FKBP5: variants seen among roughly 807,000 people sequenced by gnomAD.
FKBP5 encodes the protein peptidyl-prolyl cis-trans isomerase FKBP5.
FKBP5 carries 23 observed loss-of-function variants against 50.5 expected under a neutral mutation model. The ratio of observed to expected loss-of-function variants is 0.46; its 90% CI spans 0.33 to 0.65. FKBP5 has a LOEUF of 0.65. FKBP5 is among the 30% of genes least tolerant of loss of function. The pLI is 0.02. For missense variants in FKBP5, 411 were observed against 553.1 expected (o/e 0.74, Z 2.58); for synonymous variants, 176 against 190.6 (o/e 0.92, Z 0.63).
chr6:35,716,631 C>A (rs948436979), intron 2 of FKBP5, among the ~76,000 whole-genome samples: 6 of 152,156 alleles, frequency 3.9e-5, no homozygotes, highest in Admixed American at 3.3e-4. Context: ...CAGGCACATG[C>A]TCTGTACTCA....
intron 1 of FKBP5, 61 bp from the exon 2 acceptor site, chr6:35,642,904 T>A (rs2143404): frequency 5.9e-5 from 71 of 1,197,152 alleles, no homozygotes; most frequent in Non-Finnish European, 8.2e-5. Context: ...ATCTTGAATG[T>A]CCCTGGGAAC....
intron 2 of FKBP5, among the ~76,000 whole-genome samples, chr6:35,638,921 T>A (rs184759342): frequency 1.4e-3 from 206 of 152,252 alleles, no homozygotes; most frequent in African/African-American, 4.4e-3. Flanking sequence ...CTATAAACAG[T>A]AACTGGGCAT....
chr6:35,582,204 T>A (rs540484270), intron 8 of FKBP5: 1 of 985,406 alleles, frequency 1.0e-6, no homozygotes, highest in East Asian at 1.1e-4. Context: ...TGTCACCCTC[T>A]CTGCCTCAGA....
At chr6:35,623,025 A>G (rs1353816630) in intron 3 of FKBP5, among the ~76,000 whole-genome samples, 1 of 151,888 alleles carries the variant, frequency 6.6e-6, no homozygotes, top group Non-Finnish European at 1.5e-5. Context: ...GGCGGATCAC[A>G]AAGTCAGGAG....
At chr6:35,667,540 G>A (rs1257721182) in intron 1 of FKBP5, among the ~76,000 whole-genome samples, 1 of 152,166 alleles carries the variant, frequency 6.6e-6, no homozygotes, top group Non-Finnish European at 1.5e-5. Context: ...AGCATAATCT[G>A]TGGAAAGAAC....
At chr6:35,598,999 T>TAAATAAATAAATAA (rs1554131621) in intron 5 of FKBP5, among the ~76,000 whole-genome samples, 129 of 151,342 alleles carry the variant, frequency 8.5e-4, no homozygotes, top group African/African-American at 2.7e-3. Context: ...AATAAATAAA[T>TAAATAAATAAATAA]AAAAATAAAA....
intron 1 of FKBP5, among the ~76,000 whole-genome samples, chr6:35,678,159 GA>G (rs1025835878): frequency 1.4e-4 from 22 of 152,124 alleles, no homozygotes; most frequent in Admixed American, 7.9e-4. Context: ...GTTTAAGAAG[GA>G]AAAGTCAAAA....
intron 8 of FKBP5, chr6:35,581,294 A>G: frequency 4.6e-6 from 2 of 438,002 alleles, no homozygotes; most frequent in Non-Finnish European, 6.0e-6. Flanking sequence ...TAATATATAT[A>G]TATATACATG....
intron 1 of FKBP5, among the ~76,000 whole-genome samples, chr6:35,666,797 G>A (rs532291084): frequency 6.6e-6 from 1 of 152,190 alleles, no homozygotes; most frequent in Admixed American, 6.5e-5. Context: ...ACTGAGGCAG[G>A]AGAATCCCTT....
At chr6:35,585,721 A>C (rs762902750) in intron 8 of FKBP5, 2 of 961,284 alleles carry the variant, frequency 2.1e-6, no homozygotes, top group Non-Finnish European at 2.5e-6. Context: ...GAAATATGCA[A>C]TCCAGTACTT....
chr6:35,712,220 AC>A lies in FKBP5; in HGVS notation c.-20+8107del, dbSNP rs538756027. 1.0e-3 allele frequency among the ~76,000 whole-genome samples: 152 copies of A among 151,770 alleles called. 5 individuals carry two copies. In the South Asian group the frequency reaches 0.029, roughly 29 times the overall value. On this transcript the variant is annotated intron_variant, in intron 2 of 11. Transcript: ENST00000536438. ...AATAGCTTGCGAATAATTGTTTGTT[AC>A]CCGCTCTCTTTTTTCCCTTTATCCC...
intron 1 of FKBP5, among the ~76,000 whole-genome samples, chr6:35,723,008 C>T (rs1561910671): frequency 6.6e-6 from 1 of 152,088 alleles, no homozygotes; most frequent in Admixed American, 6.6e-5. Flanking sequence ...CCAAGGCGGG[C>T]GGATCATGAG....
upstream of FKBP5, among the ~76,000 whole-genome samples, chr6:35,689,962 C>A (rs1045016752): frequency 1.3e-5 from 2 of 152,212 alleles, no homozygotes; most frequent in Non-Finnish European, 2.9e-5. Flanking sequence ...CTTAGGGAAT[C>A]TCTAATCAAC....
chr6:35,671,123 G>A (rs956052303), intron 1 of FKBP5, among the ~76,000 whole-genome samples: 8 of 152,146 alleles, frequency 5.3e-5, no homozygotes, highest in East Asian at 1.9e-4. Flanking sequence ...AGTTAGTTGG[G>A]CATGGTGGTG....
chr6:35,655,538 T>C (rs1764923189), intron 1 of FKBP5, among the ~76,000 whole-genome samples: 1 of 152,178 alleles, frequency 6.6e-6, no homozygotes, highest in African/African-American at 2.4e-5. Flanking sequence ...CTATAAACAC[T>C]ATACATGTAG....
chr6:35,621,697 C>T (rs1404477790), intron 3 of FKBP5, among the ~76,000 whole-genome samples: 2 of 150,058 alleles, frequency 1.3e-5, no homozygotes, highest in Admixed American at 1.3e-4. Context: ...GGGCTGGGCA[C>T]GTTGGCTCGC....
chr6:35,647,353 C>T (rs1334894), intron 1 of FKBP5, among the ~76,000 whole-genome samples: 10,078 of 152,240 alleles, frequency 0.066, 479 homozygotes, highest in Admixed American at 0.12. Context: ...AAAGGTTGAA[C>T]GACAGGACTA....
chr6:35,597,502 A>G (rs2150964325), intron 5 of FKBP5, 98 bp from the exon 6 acceptor site: 2 of 1,344,920 alleles, frequency 1.5e-6, no homozygotes, highest in African/African-American at 2.9e-5. Flanking sequence ...AGCAAATACC[A>G]TTTCCCCTTT....
At chr6:35,695,809 G>A (rs1766070858) in intron 2 of FKBP5, among the ~76,000 whole-genome samples, 2 of 152,172 alleles carry the variant, frequency 1.3e-5, no homozygotes. Context: ...AATGAAAGAA[G>A]TGTAAACTTA....
Sources: gnomAD v4.1 joint callset for allele counts (sites outside exome capture counted in the v4.1 genomes callset) on GRCh38, gnomAD v4.1.1 for gene constraint, MANE v1.5 for transcripts, NCBI Gene and HGNC (gene_info 2026-07-23, HGNC 2026-07-21) for gene names.